Variants in NBPF15 observed in about 807,000 individuals in gnomAD.
NBPF15 encodes NBPF family member NBPF15.
NBPF15 carries 74 observed loss-of-function variants against 62.2 expected under a neutral mutation model. The ratio of observed to expected loss-of-function variants is 1.19; its 90% CI spans 0.99 to 1.44. The LOEUF (loss-of-function observed/expected upper bound fraction) is 1.44. Among genes scored for constraint, NBPF15 ranks in the 40% most tolerant of loss-of-function variants. NBPF15 has a pLI of 0.00. For missense variants in NBPF15, 790 were observed against 550.0 expected, an observed-to-expected ratio of 1.44 and a Z score of -4.36; for synonymous variants, 244 against 209.7, an observed-to-expected ratio of 1.16 and a Z score of -1.41.
In NBPF15 at chr1:144,448,381, G is replaced by T. The variant is rs868981183; in HGVS notation, c.-191+394C>A. Among the ~76,000 whole-genome samples the T allele has an allele frequency of 3.6e-4, 55 of 152,074 alleles. 3 individuals are homozygous for T. Among genetic ancestry groups the T allele is most frequent in the Middle Eastern group, 6.8e-3 (2 of 294 alleles). ...GGTATTTCAGATAAGACACTCTTGG[G>T]TTGCTGCACTCACAACCACTGAACC... On this transcript the variant is annotated intron_variant, in intron 6 of 21. Coordinates refer to ENST00000581897, the MANE Select transcript of NBPF15 (RefSeq NM_001385408.1).
intron 20 of NBPF15, 53 bp downstream of exon 20, chr1:144,424,637 C>G (rs1319946117): frequency 1.6e-6 from 1 of 642,352 alleles, no homozygotes; most frequent in South Asian, 1.9e-5. Context: ...GGAATATGAT[C>G]TTTATATGGA....
At chr1:144,439,343 C>T (rs1234599321) in intron 8 of NBPF15, among the ~76,000 whole-genome samples, 2 of 151,962 alleles carry the variant, frequency 1.3e-5, no homozygotes, top group African/African-American at 2.4e-5. Context: ...GGAGTAGACT[C>T]CTCTTGAAGC....
At position 144,426,389 on chromosome 1, in the gene NBPF15, A is replaced by G. The variant is rs782291533; in HGVS notation, c.1327T>C (p.Cys443Arg). The G allele has an allele frequency of 1.2e-6, 1 of 831,162 alleles. No individual in the cohort carries two copies. The allele number at this position is 831,162 out of a possible 1,614,324, so 51.5% of individuals were successfully genotyped here. ...AGATAATCTGAAGGAGTCGAATAAC[A>G]TCTATCCAGTGAGTCCTGCAAGACT... is the stretch of plus-strand genomic sequence containing the variant. ...PEVLQDSLDR[C>R]YSTPSDYLEL... Residue 443 changes from cysteine to arginine, a missense_variant, in exon 18 of 22, where the codon TGT becomes CGT. Transcript: ENST00000581897.
In NBPF15 at chr1:144,458,449, G is replaced by T. The variant is rs868957527; in HGVS notation, c.-701+917C>A. On this transcript the variant is annotated intron_variant, in intron 3 of 21. Transcript: ENST00000581897. ...CAACACATCTGAATTACCAACACCC[G>T]TATGTAGCCAAGAAACTGACAATCA... 2.7e-5 allele frequency among the ~76,000 whole-genome samples: 4 copies of T among 148,036 alleles called. No individual in the cohort carries two copies. The South Asian group carries it at 8.6e-4, about 32-fold the overall frequency.
chr1:144,444,029 C>G (rs1272178259), intron 6 of NBPF15, among the ~76,000 whole-genome samples: 1 of 151,896 alleles, frequency 6.6e-6, no homozygotes, highest in Admixed American at 6.6e-5. Flanking sequence ...TTTCATGCAT[C>G]AATGTAATTT....
At chr1:144,441,415 G>C (rs1410641759) in intron 6 of NBPF15, among the ~76,000 whole-genome samples, 2 of 151,252 alleles carry the variant, frequency 1.3e-5, no homozygotes, top group Non-Finnish European at 3.0e-5. Context: ...TGTTCATTTA[G>C]ATATCTTCTT....
intron 2 of NBPF15, among the ~76,000 whole-genome samples, 158 bp from the exon 3 acceptor site, chr1:144,459,641 A>G (rs1454327113): frequency 1.3e-5 from 2 of 152,010 alleles, no homozygotes; most frequent in African/African-American, 4.8e-5. Flanking sequence ...ACAAATCAAC[A>G]GAAAAACAAG....
In NBPF15 at chr1:144,424,062, C is replaced by A. The variant is rs1428116707; in HGVS notation, c.1664-87G>T. 14 of 757,788 alleles carry A rather than the reference C, an allele frequency of 1.8e-5. No individual in the cohort carries two copies. In the South Asian group the frequency reaches 1.9e-4, roughly 10 times the overall value. 46.9% of individuals were successfully genotyped at this position (757,788 alleles called of 1,614,324 possible). On this transcript the variant is annotated intron_variant, in intron 20 of 21. Transcript: ENST00000581897. Reference sequence around the variant, plus strand: ...CACTGTCTAATCCTCACACAGGGACCTCAGGCTCCTCAGCATAAGAATACG... The same window carrying A: ...CACTGTCTAATCCTCACACAGGGACATCAGGCTCCTCAGCATAAGAATACG...
At position 144,439,882 on chromosome 1, in the gene NBPF15, T is replaced by G; in HGVS notation, c.122A>C (p.Lys41Thr). Reference sequence around the variant, plus strand: ...GCCGGCCAGTTGAGTTAGAAAACATTTCTCTTTGAGGTTTCTGAACTGCTG... The same window carrying G: ...GCCGGCCAGTTGAGTTAGAAAACATGTCTCTTTGAGGTTTCTGAACTGCTG... ...KKQQFRNLKE[K>T]CFLTQLAGFL... Residue 41 changes from lysine (K) to threonine (T), a missense_variant, in exon 8 of 22, where the codon AAA becomes ACA. Coordinates refer to ENST00000581897, the MANE Select transcript of NBPF15 (RefSeq NM_001385408.1). 1 of 1,611,040 alleles carries G rather than the reference T, an allele frequency of 6.2e-7. No homozygotes were observed. Among genetic ancestry groups the G allele is most frequent in the Non-Finnish European group, 8.5e-7 (1 of 1,179,006 alleles).
At position 144,428,646 on chromosome 1, in the gene NBPF15, C is replaced by A. The variant is rs782620571; in HGVS notation, c.1000G>T (p.Asp334Tyr). Residue 334 changes from aspartate (D) to tyrosine (Y), a missense_variant, in exon 15 of 22, where the codon GAT becomes TAT. Physicochemically the swap from Asp to Tyr is radical, Grantham distance 160. Transcript: ENST00000581897. ...TCTTGGTCCTCCTTTTTCACTTGAT[C>A]CCACCGATGTCCTGCAAATAAATTC... The part of the protein sequence containing the change: ...MAVDIGRHRW[D>Y]QVKKEDQEAT... The A allele has an allele frequency of 4.4e-6, 4 of 916,480 alleles. No homozygotes were observed. Among genetic ancestry groups the A allele is most frequent in the Non-Finnish European group, 7.2e-6 (4 of 554,556 alleles). The allele number at this position is 916,480 out of a possible 1,614,324, so 56.8% of individuals were successfully genotyped here.
intron 6 of NBPF15, among the ~76,000 whole-genome samples, chr1:144,445,565 G>T (rs372273316): frequency 2.6e-4 from 38 of 147,292 alleles, no homozygotes; most frequent in African/African-American, 9.5e-4. Context: ...GAATTCATTC[G>T]CCATTATTCT....
At chr1:144,431,296 A>G (rs1239437311) in intron 13 of NBPF15, among the ~76,000 whole-genome samples, 12 of 150,704 alleles carry the variant, frequency 8.0e-5, no homozygotes, top group Non-Finnish European at 1.8e-4. Context: ...GTTGAAATGA[A>G]GGAAAAAATG....
intron 6 of NBPF15, among the ~76,000 whole-genome samples, chr1:144,444,697 C>A (rs1288149224): frequency 1.3e-5 from 2 of 151,820 alleles, no homozygotes; most frequent in African/African-American, 4.8e-5. Flanking sequence ...CTCAGGAAAA[C>A]TTTCCAATTT....
At chr1:144,442,288 TATTA>T (rs1312605252) in intron 6 of NBPF15, among the ~76,000 whole-genome samples, 3 of 122,130 alleles carry the variant, frequency 2.5e-5, no homozygotes, top group African/African-American at 9.9e-5. Flanking sequence ...CACGTGTATA[TATTA>T]TATATATATA....
At chr1:144,429,636 A>C in intron 14 of NBPF15, 64 bp downstream of exon 14, 1 of 597,682 alleles carries the variant, frequency 1.7e-6, no homozygotes, top group Non-Finnish European at 2.9e-6. Context: ...ACAAGGCCCA[A>C]AGATTATGGG....
rs1213364915 is a variant in NBPF15, at chr1:144,426,336, G to T, written c.1380C>A (p.Tyr460Ter). The T allele has an allele frequency of 7.7e-6, 6 of 783,942 alleles. No homozygotes were observed. The highest frequency in any genetic ancestry group is 1.4e-5 in the Non-Finnish European group (6 of 428,448). 48.6% of individuals were successfully genotyped at this position (783,942 alleles called of 1,614,324 possible). ...YLELPDLGQP[Y>*]SSAVYSLEEQ... ...CCTCCAATGAGTAAACAGCACTGCT[G>T]TAGGGCTGGCCTAAGTCAGGCAGTT... is the stretch of plus-strand genomic sequence containing the variant. Residue 460 changes from tyrosine (Y) to a stop codon, truncating the protein, a stop_gained, in exon 18 of 22, where the codon TAC (tyrosine) becomes TAA (stop). Transcript: ENST00000581897. LOFTEE classifies it high-confidence loss of function.
In NBPF15 at chr1:144,436,964, G is replaced by T. The variant is rs1184213001; in HGVS notation, c.424C>A (p.Gln142Lys). 3 of 1,611,692 alleles carry T rather than the reference G, an allele frequency of 1.9e-6. No homozygotes were observed. The highest frequency in any genetic ancestry group is 1.3e-5 in the African/African-American group (1 of 74,828). The part of the protein sequence containing the change: ...TPDEPDKSQG[Q>K]DLQEQLAEGC... ...TCAGCCAGCTGTTCTTGGAGGTCCT[G>T]CCCCTGGGACTTGTCCGGCTCATCC... The change falls in exon 10 of 22, where the codon CAG (glutamine) becomes AAG (lysine). Residue 142 changes from glutamine (Q) to lysine (K), a missense_variant. By Grantham distance (53) the Gln-to-Lys change is moderately conservative. Transcript: ENST00000581897.
intron 13 of NBPF15, among the ~76,000 whole-genome samples, chr1:144,431,237 C>G (rs1254703917): frequency 4.6e-5 from 7 of 150,774 alleles, no homozygotes; most frequent in Non-Finnish European, 1.0e-4. Context: ...CATAAAGATA[C>G]TCCTCGAGAA....
chr1:144,439,278 G>C (rs1354979021), intron 8 of NBPF15, among the ~76,000 whole-genome samples: 1 of 151,854 alleles, frequency 6.6e-6, no homozygotes, highest in African/African-American at 2.4e-5. Flanking sequence ...CACCATGCAC[G>C]GCCCCTACTC....
Sources: allele counts gnomAD v4.1 joint callset (sites outside exome capture counted in the v4.1 genomes callset), GRCh38; gene constraint gnomAD v4.1.1; transcripts MANE v1.5; gene names NCBI Gene and HGNC (gene_info 2026-07-23, HGNC 2026-07-21).